TMEM132D: variants seen among roughly 807,000 people sequenced by gnomAD.
The protein encoded by TMEM132D is mature OL transmembrane protein.
TMEM132D carries 21 observed loss-of-function variants against 62.3 expected under a neutral mutation model. That is an observed-to-expected ratio of 0.34 (90% CI 0.24 to 0.49). The LOEUF is 0.49. Ranked by LOEUF, TMEM132D falls within the 20% of genes least tolerant of loss-of-function variation. The pLI is 0.99. For synonymous variants in TMEM132D, 621 were observed against 575.6 expected, an observed-to-expected ratio of 1.08 and a Z score of -1.13; for missense variants, 1,346 against 1,402.8, an observed-to-expected ratio of 0.96 and a Z score of 0.65.
chr12:129,511,513 C>T (rs1468715531), intron 3 of TMEM132D, among the ~76,000 whole-genome samples: 1 of 152,162 alleles, frequency 6.6e-6, no homozygotes, highest in Non-Finnish European at 1.5e-5. Flanking sequence ...AAAATTTAGC[C>T]ATTGTAGTGG....
chr12:129,865,948 G>A (rs1029200915), intron 1 of TMEM132D, among the ~76,000 whole-genome samples: 1 of 152,124 alleles, frequency 6.6e-6, no homozygotes, highest in Admixed American at 6.6e-5. Flanking sequence ...ATAGGTCTGG[G>A]GTTGTCTGGC....
rs370402672 is a variant in TMEM132D, at chr12:129,708,685, A to G, written c.80-7987T>C. On this transcript the variant is annotated intron_variant, in intron 1 of 8. Coordinates refer to ENST00000422113, the MANE Select transcript of TMEM132D (RefSeq NM_133448.3). ...GCACTCATTTAACTAGGAATTCCAG[A>G]AAAAAAAAAAAATGAATACTTTGTA... Among the ~76,000 whole-genome samples the G allele has an allele frequency of 0.013, 60 of 4,626 alleles. 1 individual carries two copies. In the South Asian group the frequency reaches 0.24, roughly 18 times the overall value. 3.0% of individuals were successfully genotyped at this position (4,626 alleles called of 152,430 possible).
intron 2 of TMEM132D, among the ~76,000 whole-genome samples, chr12:129,676,968 G>A (rs77672881): frequency 0.019 from 2,820 of 152,124 alleles, 55 homozygotes; most frequent in Middle Eastern, 0.058. Flanking sequence ...TCCACCTAAT[G>A]TTTTAGAAAA....
intron 5 of TMEM132D, among the ~76,000 whole-genome samples, chr12:129,200,032 A>C (rs1474255468): frequency 6.6e-6 from 1 of 152,186 alleles, no homozygotes; most frequent in East Asian, 1.9e-4. Flanking sequence ...GTGATTAAAA[A>C]TCAATAATAA....
At chr12:129,120,670 T>TATAG (rs1876031593) in intron 5 of TMEM132D, among the ~76,000 whole-genome samples, 1 of 152,192 alleles carries the variant, frequency 6.6e-6, no homozygotes, top group Non-Finnish European at 1.5e-5. Context: ...TAGTTAATAG[T>TATAG]ATAGATAGAT....
At chr12:129,107,151 G>C (rs1189472948) in intron 5 of TMEM132D, among the ~76,000 whole-genome samples, 2 of 152,132 alleles carry the variant, frequency 1.3e-5, no homozygotes, top group African/African-American at 4.8e-5. Flanking sequence ...AGCTCTAATA[G>C]GAAAGATGAA....
intron 1 of TMEM132D, among the ~76,000 whole-genome samples, chr12:129,902,089 C>T (rs189063182): frequency 1.3e-5 from 2 of 152,146 alleles, no homozygotes; most frequent in Admixed American, 6.5e-5. Flanking sequence ...GGAGGGGGAA[C>T]GTAAATTCCT....
At chr12:129,540,620 G>T (rs1876558899) in intron 2 of TMEM132D, among the ~76,000 whole-genome samples, 1 of 151,920 alleles carries the variant, frequency 6.6e-6, no homozygotes, top group African/African-American at 2.4e-5. Flanking sequence ...TGAGTAGCTG[G>T]GATTACAGGT....
chr12:129,193,411 C>CT (rs1878464287), intron 5 of TMEM132D, among the ~76,000 whole-genome samples: 1 of 152,110 alleles, frequency 6.6e-6, no homozygotes, highest in Non-Finnish European at 1.5e-5. Flanking sequence ...CACGTTAACC[C>CT]TTACAGGCAG....
intron 2 of TMEM132D, among the ~76,000 whole-genome samples, chr12:129,541,707 G>T (rs1171165498): frequency 6.6e-6 from 1 of 152,150 alleles, no homozygotes; most frequent in Admixed American, 6.5e-5. Context: ...CCATCATGGG[G>T]TCATCAAATA....
At chr12:129,653,025 G>A (rs1488854821) in intron 2 of TMEM132D, among the ~76,000 whole-genome samples, 1 of 152,206 alleles carries the variant, frequency 6.6e-6, no homozygotes, top group East Asian at 1.9e-4. Context: ...TTATGTTAAA[G>A]AATAATCCAC....
At chr12:129,355,795 G>C (rs1023581116) in intron 3 of TMEM132D, among the ~76,000 whole-genome samples, 1 of 152,204 alleles carries the variant, frequency 6.6e-6, no homozygotes, top group East Asian at 1.9e-4. Context: ...ACTCTTTTTA[G>C]TTTCTGAAGT....
intron 1 of TMEM132D, among the ~76,000 whole-genome samples, chr12:129,811,598 C>A (rs768950196): frequency 6.6e-6 from 1 of 151,730 alleles, no homozygotes. Flanking sequence ...TGTGAGTGTG[C>A]GACCTTACCT....
chr12:129,652,805 C>A (rs1879965383), intron 2 of TMEM132D, among the ~76,000 whole-genome samples: 1 of 152,178 alleles, frequency 6.6e-6, no homozygotes, highest in Non-Finnish European at 1.5e-5. Flanking sequence ...TAGTTTGTTA[C>A]AACAGCCACA....
intron 1 of TMEM132D, among the ~76,000 whole-genome samples, chr12:129,859,473 C>T (rs1050704609): frequency 1.3e-5 from 2 of 152,110 alleles, no homozygotes; most frequent in Non-Finnish European, 2.9e-5. Context: ...TGGATGTCAA[C>T]GTGATTGAAG....
intron 3 of TMEM132D, among the ~76,000 whole-genome samples, chr12:129,361,294 T>C (rs1870241466): frequency 2.0e-5 from 3 of 152,202 alleles, no homozygotes; most frequent in Admixed American, 2.0e-4. Context: ...GTTTAGATCT[T>C]TCTAAGCTCA....
chr12:129,114,596 A>C (rs1459362992), intron 5 of TMEM132D, among the ~76,000 whole-genome samples: 1 of 152,226 alleles, frequency 6.6e-6, no homozygotes, highest in Non-Finnish European at 1.5e-5. Flanking sequence ...TGAAGCAAAC[A>C]AACTTACTTC....
chr12:129,473,488 C>T (rs1375947770), intron 3 of TMEM132D, among the ~76,000 whole-genome samples: 1 of 151,730 alleles, frequency 6.6e-6, no homozygotes, highest in Non-Finnish European at 1.5e-5. Flanking sequence ...CACCACCATG[C>T]CTGGCTAATT....
At chr12:129,126,932 G>A (rs1276718707) in intron 5 of TMEM132D, among the ~76,000 whole-genome samples, 9 of 152,212 alleles carry the variant, frequency 5.9e-5, no homozygotes, top group Admixed American at 4.6e-4. Flanking sequence ...AGAGCAGCAC[G>A]TCTTCAGTGA....
Sources: allele counts gnomAD v4.1 joint callset (sites outside exome capture counted in the v4.1 genomes callset), GRCh38; gene constraint gnomAD v4.1.1; transcripts MANE v1.5; gene names NCBI Gene and HGNC (gene_info 2026-07-23, HGNC 2026-07-21).